TRAF7: variants seen among roughly 807,000 people sequenced by gnomAD.
TRAF7 encodes E3 ubiquitin-protein ligase TRAF7.
Under a neutral mutation model 89.3 loss-of-function variants are expected in TRAF7, and 45 were observed. That is an observed-to-expected ratio of 0.50 (90% CI 0.40 to 0.65). TRAF7 has a LOEUF of 0.65. Ranked by LOEUF, TRAF7 falls within the 30% of genes least tolerant of loss-of-function variation. The pLI, the probability that TRAF7 is intolerant of heterozygous loss-of-function variation, is 0.00. For missense variants in TRAF7, 677 were observed against 918.1 expected, an observed-to-expected ratio of 0.74 and a Z score of 3.39; for synonymous variants, 406 against 369.2, an observed-to-expected ratio of 1.10 and a Z score of -1.14.
At chr16:2,173,089 C>T (rs1319432085) in intron 9 of TRAF7, 93 bp from the exon 10 acceptor site, 13 of 1,212,922 alleles carry the variant, frequency 1.1e-5, no homozygotes, top group South Asian at 9.4e-5. Flanking sequence ...TGGGGTGCAG[C>T]GGCCACAGGG....
At position 2,173,532 on chromosome 16, in the gene TRAF7, G is replaced by A. The variant is rs763250170; in HGVS notation, c.1064G>A (p.Arg355Gln). 13 of 1,613,208 alleles carry A rather than the reference G, an allele frequency of 8.1e-6. No individual in the cohort carries two copies. The highest frequency in any genetic ancestry group is 1.3e-5 in the African/African-American group (1 of 74,924). ...CTCAGCGAGGACCTCATGGAGTTCC[G>A]GCGGGACGCATCCATGTTAAATGTG... ...SKLSEDLMEF[R>Q]RDASMLNDEL... Residue 355 changes from arginine (R) to glutamine (Q), a missense_variant, in exon 11 of 21, where the codon CGG (arginine) becomes CAG (glutamine). By Grantham distance (43) the Arg-to-Gln change is conservative. Around this residue, in one of 6 missense-constraint regions of TRAF7, gnomAD observed 238 missense variants for 352.6 expected, o/e 0.67. Transcript: ENST00000326181.
At chr16:2,173,859 T>TTGCCCCCC in intron 12 of TRAF7, 23 bp downstream of exon 12, 2 of 1,246,244 alleles carry the variant, frequency 1.6e-6, no homozygotes, top group Non-Finnish European at 2.2e-6. Context: ...CCGCCGTGGC[T>TTGCCCCCC]CCCGCCCACC....
chr16:2,174,412 G>A, intron 14 of TRAF7, 79 bp downstream of exon 14: 2 of 1,425,772 alleles, frequency 1.4e-6, no homozygotes, highest in South Asian at 1.2e-5. Context: ...CGTGAGCCAT[G>A]AGCTCGAGCC....
chr16:2,157,443 G>C (rs2093039774), intron 1 of TRAF7, among the ~76,000 whole-genome samples: 1 of 152,096 alleles, frequency 6.6e-6, no homozygotes, highest in Admixed American at 6.5e-5. Flanking sequence ...GAAAAGTTCA[G>C]GGTCTTTGGC....
chr16:2,176,438 G>T (rs2093137019), intron 20 of TRAF7, 54 bp downstream of exon 20: 1 of 1,612,356 alleles, frequency 6.2e-7, no homozygotes. Context: ...TGGAGCGGGG[G>T]TGGGGACGAG....
chr16:2,171,401 C>T, intron 6 of TRAF7, 45 bp downstream of exon 6: 1 of 1,539,068 alleles, frequency 6.5e-7, no homozygotes, highest in Non-Finnish European at 8.8e-7. Context: ...CAGAGGCCCC[C>T]ACAGGACCCC....
At position 2,177,891 on chromosome 16, in the gene TRAF7, G is replaced by A; in HGVS notation, c.*1317G>A. ...GCCCCCGGGCCCCAGCCTTCCACCTGTGCTAGCAGCCTGGGGCCTCCACTC... is the reference window on the plus strand; with the variant it reads ...GCCCCCGGGCCCCAGCCTTCCACCTATGCTAGCAGCCTGGGGCCTCCACTC... On this transcript the variant is annotated 3_prime_UTR_variant, in exon 21 of 21. Transcript: ENST00000326181. The A allele has an allele frequency of 3.2e-6, 1 of 316,492 alleles. No homozygotes were observed. The highest frequency in any genetic ancestry group is 6.0e-6 in the Non-Finnish European group (1 of 167,204). 19.6% of individuals were successfully genotyped at this position (316,492 alleles called of 1,614,324 possible).
intron 14 of TRAF7, 52 bp downstream of exon 14, chr16:2,174,385 G>A (rs765352767): frequency 8.9e-6 from 14 of 1,573,928 alleles, no homozygotes; most frequent in East Asian, 2.3e-5. Context: ...GAGACGTGGC[G>A]CTGCCACCCC....
rs1452751879 is a variant in TRAF7, at chr16:2,164,004, A to G, written c.81+3A>G. On this transcript the variant is annotated splice_donor_region_variant and intron_variant, in intron 2 of 20. Transcript: ENST00000326181. ...CCACCCCAGACGTCACCACAGGGGT[A>G]AGGGTGTGCCCCTCTGCAAGCCCAA... The G allele has an allele frequency of 6.2e-6, 10 of 1,609,136 alleles. No homozygotes were observed. In the Admixed American group the frequency reaches 1.2e-4, roughly 19 times the overall value.
intron 13 of TRAF7, 91 bp from the exon 14 acceptor site, chr16:2,174,160 A>G: frequency 1.3e-6 from 2 of 1,594,118 alleles, no homozygotes; most frequent in South Asian, 1.1e-5. Flanking sequence ...GCCCTCTCCC[A>G]TGGGCGGGGC....
rs775666564 is a variant in TRAF7, at chr16:2,168,145, C to T, written c.208C>T (p.Pro70Ser). The change falls in exon 4 of 21, where the codon CCG (proline) becomes TCG (serine). Residue 70 changes from proline to serine, a missense_variant. Physicochemically the swap from Pro to Ser is moderately conservative, Grantham distance 74. Coordinates refer to ENST00000326181, the MANE Select transcript of TRAF7 (RefSeq NM_032271.3). This position sits in a 1 kb window ranked among gnomAD's most constrained non-coding sequence, Gnocchi z 4.1. ...CTCCTCCAGCACCCTTGCCTACTCC[C>T]CGCGGGACGAGGAGGACAGCATGGT... ...PSSSSTLAYS[P>S]RDEEDSMPPI... 1.2e-6 allele frequency: 2 copies of T among 1,612,018 alleles called. No homozygotes were observed. The highest frequency in any genetic ancestry group is 2.7e-5 in the African/African-American group (2 of 74,884).
intron 2 of TRAF7, among the ~76,000 whole-genome samples, chr16:2,164,676 G>T (rs1351112089): frequency 2.2e-5 from 3 of 136,628 alleles, no homozygotes; most frequent in Non-Finnish European, 3.1e-5. Flanking sequence ...TGTGTGGCGC[G>T]GCCTGGTTGC....
chr16:2,165,261 A>G (rs1409509559), intron 2 of TRAF7, among the ~76,000 whole-genome samples: 2 of 138,016 alleles, frequency 1.4e-5, no homozygotes, highest in African/African-American at 2.8e-5. Context: ...GCCTGGTCGC[A>G]TGGTTAAGCG....
chr16:2,164,200 G>A (rs189522577), intron 2 of TRAF7, among the ~76,000 whole-genome samples, 199 bp downstream of exon 2: 8 of 151,066 alleles, frequency 5.3e-5, no homozygotes, highest in Non-Finnish European at 1.0e-4. Context: ...GTGTGTGGTT[G>A]GGGCGTGTTA....
At chr16:2,173,426 G>T in intron 10 of TRAF7, 27 bp downstream of exon 10, 1 of 1,611,780 alleles carries the variant, frequency 6.2e-7, no homozygotes, top group Non-Finnish European at 8.5e-7. Context: ...GGGCAGGCAG[G>T]GGCCTGGCCA....
At chr16:2,155,950 G>C (rs1296676754) in intron 1 of TRAF7, 92 bp downstream of exon 1, 1 of 146,736 alleles carries the variant, frequency 6.8e-6, no homozygotes, top group African/African-American at 2.5e-5. Context: ...GAGGCGAGGC[G>C]AGGCGAGGCG....
intron 7 of TRAF7, among the ~76,000 whole-genome samples, chr16:2,171,852 G>A (rs1489494170): frequency 6.6e-6 from 1 of 152,208 alleles, no homozygotes; most frequent in Non-Finnish European, 1.5e-5. Flanking sequence ...GTGGGCCGAG[G>A]CTCCCCATGC....
At chr16:2,174,716 T>G (rs2093128064) in intron 14 of TRAF7, among the ~76,000 whole-genome samples, 2 of 152,206 alleles carry the variant, frequency 1.3e-5, no homozygotes, top group African/African-American at 4.8e-5. Context: ...GCCACTTTCT[T>G]GCCTCCAGGT....
chr16:2,170,377 C>T lies in TRAF7; in HGVS notation c.232-237C>T, dbSNP rs1035753053. Among the ~76,000 whole-genome samples, 12 of 152,356 alleles carry T rather than the reference C, an allele frequency of 7.9e-5. No homozygotes were observed. The East Asian group carries it at 1.2e-3, about 15-fold the overall frequency. ...CATTTACACAAAGAGAGGTGGCAGG[C>T]GTGAGCGGGCAGCCCAGCACCCCGG... On this transcript the variant is annotated intron_variant, in intron 4 of 20. Transcript: ENST00000326181.
Sources: gnomAD v4.1 joint callset for allele counts (sites outside exome capture counted in the v4.1 genomes callset) on GRCh38, gnomAD v4.1.1 for gene constraint, gnomAD v4.1.1 regional missense constraint, Gnocchi (gnomAD v3.1) non-coding constraint, MANE v1.5 for transcripts, NCBI Gene and HGNC (gene_info 2026-07-23, HGNC 2026-07-21) for gene names.